Variants in GRIA4 observed in about 807,000 individuals in gnomAD.
GRIA4 encodes the protein glutamate ionotropic receptor AMPA type subunit 4, also known as glutamate receptor 4.
In GRIA4, 34 loss-of-function variants were observed where a neutral mutation model predicts 104.0. The observed-to-expected ratio is 0.33, with a 90% confidence interval of 0.25 to 0.44. The LOEUF is 0.44. GRIA4 is among the 20% of genes least tolerant of loss of function. The pLI is 1.00. For missense variants in GRIA4, 750 were observed against 1,096.5 expected, an observed-to-expected ratio of 0.68 and a Z score of 4.46; for synonymous variants, 386 against 381.9, an observed-to-expected ratio of 1.01 and a Z score of -0.13.
At chr11:105,950,754 T>C (rs981010974) in intron 14 of GRIA4, among the ~76,000 whole-genome samples, 1 of 152,168 alleles carries the variant, frequency 6.6e-6, no homozygotes, top group Admixed American at 6.5e-5. Flanking sequence ...CTGAGAGAAC[T>C]GAAATTGCCA....
Position 105,612,398 on chromosome 11 carries a change from A to C in GRIA4, c.211A>C (p.Ile71Leu). Residue 71 changes from isoleucine to leucine, a missense_variant, in exon 3 of 17, where the codon ATT (isoleucine) becomes CTT (leucine). Ile to Leu is a conservative substitution (Grantham distance 5). Coordinates refer to ENST00000282499, the MANE Select transcript of GRIA4 (RefSeq NM_000829.4). ...PFNLVPHVDN[I>L]ETANSFAVTN... is the part of the protein sequence containing the mutation. The stretch of plus-strand genomic sequence containing the variant: ...TAATTTGGTACCTCATGTGGACAAC[A>C]TTGAGACAGCCAACAGTTTTGCTGT... 2.5e-6 allele frequency: 4 copies of C among 1,614,160 alleles called. No homozygotes were observed. Among genetic ancestry groups the C allele is most frequent in the African/African-American group, 1.3e-5 (1 of 75,052 alleles).
At chr11:105,892,353 T>C (rs1333669286) in intron 6 of GRIA4, among the ~76,000 whole-genome samples, 1 of 152,178 alleles carries the variant, frequency 6.6e-6, no homozygotes, top group South Asian at 2.1e-4. Flanking sequence ...AAAAGTATTA[T>C]TTAATTTACA....
chr11:105,875,315 C>T (rs1303501417), intron 5 of GRIA4, among the ~76,000 whole-genome samples: 1 of 152,140 alleles, frequency 6.6e-6, no homozygotes, highest in Non-Finnish European at 1.5e-5. Flanking sequence ...ATTCGGATTG[C>T]CAGTATTTTA....
intron 4 of GRIA4, among the ~76,000 whole-genome samples, chr11:105,790,603 C>T (rs571229844): frequency 3.3e-4 from 50 of 152,314 alleles, no homozygotes; most frequent in Middle Eastern, 3.4e-3. Flanking sequence ...TGCACCCATT[C>T]TTCCATTACT....
chr11:105,882,331 A>T (rs978515827), intron 5 of GRIA4, among the ~76,000 whole-genome samples: 4 of 152,320 alleles, frequency 2.6e-5, no homozygotes, highest in Admixed American at 2.6e-4. Context: ...AGTTTGGAAG[A>T]CCATGTTCAA....
intron 14 of GRIA4, among the ~76,000 whole-genome samples, chr11:105,968,191 G>T (rs1278718437): frequency 6.6e-6 from 1 of 152,158 alleles, no homozygotes; most frequent in East Asian, 1.9e-4. Context: ...CTCATCTAAT[G>T]AAGAAGGGAA....
chr11:105,688,901 A>G (rs1189601805), intron 3 of GRIA4, among the ~76,000 whole-genome samples: 1 of 152,132 alleles, frequency 6.6e-6, no homozygotes, highest in Non-Finnish European at 1.5e-5. Context: ...GATCTGATCT[A>G]GTTTAGGTGA....
chr11:105,786,658 T>C (rs1026003888), intron 4 of GRIA4, among the ~76,000 whole-genome samples: 1 of 152,180 alleles, frequency 6.6e-6, no homozygotes, highest in African/African-American at 2.4e-5. Context: ...AGAAAGGTTT[T>C]TTATTAAACG....
chr11:105,644,211 G>C (rs1350074934), intron 3 of GRIA4, among the ~76,000 whole-genome samples: 1 of 152,168 alleles, frequency 6.6e-6, no homozygotes, highest in East Asian at 1.9e-4. Context: ...CGGAGAAAGT[G>C]ACTACCATGC....
intron 3 of GRIA4, among the ~76,000 whole-genome samples, chr11:105,712,494 A>G (rs1953946353): frequency 6.6e-6 from 1 of 152,066 alleles, no homozygotes; most frequent in African/African-American, 2.4e-5. Flanking sequence ...ATATAAATGG[A>G]AAAGGGATAA....
chr11:105,702,785 C>G (rs539899903), intron 3 of GRIA4, among the ~76,000 whole-genome samples: 1 of 150,080 alleles, frequency 6.7e-6, no homozygotes, highest in East Asian at 2.0e-4. Flanking sequence ...ACCTCCACCT[C>G]CTGAGTTCAA....
intron 14 of GRIA4, among the ~76,000 whole-genome samples, chr11:105,950,880 C>T (rs917155059): frequency 6.6e-6 from 1 of 151,974 alleles, no homozygotes; most frequent in Non-Finnish European, 1.5e-5. Context: ...TATAGTTTAG[C>T]TATACAGGGA....
At chr11:105,947,765 T>C (rs776505931) in intron 14 of GRIA4, among the ~76,000 whole-genome samples, 13 of 152,218 alleles carry the variant, frequency 8.5e-5, no homozygotes, top group Non-Finnish European at 1.8e-4. Flanking sequence ...TTAACACCAA[T>C]AGAAGCAAAT....
At chr11:105,762,970 T>G (rs545523990) in intron 4 of GRIA4, among the ~76,000 whole-genome samples, 1 of 152,300 alleles carries the variant, frequency 6.6e-6, no homozygotes, top group African/African-American at 2.4e-5. Context: ...ATTTCAGAAA[T>G]CAATGACGGA....
chr11:105,794,507 A>G (rs1324230446), intron 4 of GRIA4, among the ~76,000 whole-genome samples: 15 of 125,116 alleles, frequency 1.2e-4, no homozygotes, highest in Admixed American at 5.5e-4. Flanking sequence ...ATATATATAT[A>G]TATATACATA....
At chr11:105,790,539 C>T (rs200748875) in intron 4 of GRIA4, among the ~76,000 whole-genome samples, 3 of 152,128 alleles carry the variant, frequency 2.0e-5, no homozygotes, top group Middle Eastern at 3.2e-3. Context: ...CTGGCAAGCA[C>T]GGAGAATTAA....
chr11:105,979,470 T>C, intron 16 of GRIA4, 105 bp from the exon 17 acceptor site: 6 of 987,674 alleles, frequency 6.1e-6, no homozygotes, highest in Non-Finnish European at 9.3e-6. Flanking sequence ...AAAATGCAGA[T>C]GTCTAATTAT....
In GRIA4 at chr11:105,830,977, C is replaced by CAT. The variant is rs199973548; in HGVS notation, c.488-31046_488-31045insTA. On this transcript the variant is annotated intron_variant, in intron 4 of 16. Coordinates refer to ENST00000282499, the MANE Select transcript of GRIA4 (RefSeq NM_000829.4). ...GGTGAATTATACACACACGCACACA[C>CAT]ACACACACACACATTTTTTATTTAT... 9.8e-3 allele frequency among the ~76,000 whole-genome samples: 1,490 copies of CAT among 152,112 alleles called. 30 individuals are homozygous for CAT. The highest frequency in any genetic ancestry group is 0.034 in the African/African-American group (1,429 of 41,534).
Position 105,905,291 on chromosome 11 carries a change from G to A in GRIA4, c.1148G>A (p.Gly383Glu). ...GATGTGTTTGAGCTGAAAAGCACAG[G>A]ACCTAGAAAGGTGAGCCACGATCAA... ...TMDVFELKST[G>E]PRKVGYWNDM... Residue 383 changes from glycine (G) to glutamate (E), a missense_variant, in exon 9 of 17, where the codon GGA becomes GAA. By Grantham distance (98) the Gly-to-Glu change is moderately conservative. This residue lies in a region of GRIA4 where 410 missense variants were observed against 502.7 expected (regional missense o/e 0.82). Transcript: ENST00000282499. 1 of 1,564,030 alleles carries A rather than the reference G, an allele frequency of 6.4e-7. No individual in the cohort carries two copies. The highest frequency in any genetic ancestry group is 8.8e-7 in the Non-Finnish European group (1 of 1,134,684).
Sources: allele counts gnomAD v4.1 joint callset (sites outside exome capture counted in the v4.1 genomes callset), GRCh38; gene constraint gnomAD v4.1.1; regional missense constraint gnomAD v4.1.1; transcripts MANE v1.5; gene names NCBI Gene and HGNC (gene_info 2026-07-23, HGNC 2026-07-21).